Variants in ADAMTSL1 observed in about 807,000 individuals in gnomAD.
ADAMTSL1 encodes ADAMTS like 1.
In ADAMTSL1, 126 loss-of-function variants were observed where a neutral mutation model predicts 201.8. The observed-to-expected ratio is 0.62, with a 90% CI of 0.54 to 0.72. The LOEUF (loss-of-function observed/expected upper bound fraction) is 0.72. Among genes scored for constraint, ADAMTSL1 ranks in the 30% least tolerant of loss-of-function variants. ADAMTSL1 has a pLI of 0.00. For synonymous variants in ADAMTSL1, 1,121 were observed against 903.4 expected (o/e 1.24, Z -4.32); for missense variants, 2,679 against 2,277.8 (o/e 1.18, Z -3.59).
rs73644232 is a variant in ADAMTSL1, at chr9:18,530,384, C to T, written c.192-2863C>T. Among the ~76,000 whole-genome samples the T allele has an allele frequency of 4.8e-3, 736 of 152,078 alleles. 9 individuals carry two copies. The highest frequency in any genetic ancestry group is 0.017 in the African/African-American group (708 of 41,508). On this transcript the variant is annotated intron_variant, in intron 2 of 28. Coordinates refer to ENST00000380548, the MANE Select transcript of ADAMTSL1 (RefSeq NM_001040272.6). ...TGAAAAACATATACTATTAAAGTCC[C>T]AATAGTTAACACCAGGGTTTACCTT...
chr9:18,297,861 T>C (rs1833534413), intron 2 of ADAMTSL1, among the ~76,000 whole-genome samples: 1 of 152,226 alleles, frequency 6.6e-6, no homozygotes, highest in African/African-American at 2.4e-5. Context: ...TGAGAACCCT[T>C]TGAACCGCAG....
chr9:18,648,978 A>G (rs1395140552), intron 7 of ADAMTSL1, among the ~76,000 whole-genome samples: 2 of 152,144 alleles, frequency 1.3e-5, no homozygotes, highest in Non-Finnish European at 2.9e-5. Context: ...TATCCTGCAG[A>G]GTGTTTTCCA....
At chr9:18,522,393 T>G (rs1307190140) in intron 2 of ADAMTSL1, among the ~76,000 whole-genome samples, 1 of 152,182 alleles carries the variant, frequency 6.6e-6, no homozygotes. Flanking sequence ...GTTCTCACAA[T>G]TTATTATTCC....
chr9:18,437,030 T>G (rs1819767038), intron 2 of ADAMTSL1, among the ~76,000 whole-genome samples: 1 of 151,208 alleles, frequency 6.6e-6, no homozygotes, highest in African/African-American at 2.4e-5. Context: ...CCTTGTTATC[T>G]GAGCATCAGC....
rs57749719 is a variant in ADAMTSL1 at position 18,503,980 on chromosome 9, A to ATGTGTGTGTGTGTGTG, written c.64-838_64-823dup. ...ATCTTCCTATATAATATGTGCATGC[A>ATGTGTGTGTGTGTGTG]TGTGTGTGTGTGTGTGTGTGTGTGT... On this transcript the variant is annotated intron_variant, in intron 1 of 28. Transcript: ENST00000380548. 2.3e-3 allele frequency among the ~76,000 whole-genome samples: 347 copies of ATGTGTGTGTGTGTGTG among 148,142 alleles called. 3 individuals are homozygous for ATGTGTGTGTGTGTGTG. Among genetic ancestry groups the ATGTGTGTGTGTGTGTG allele is most frequent in the African/African-American group, 8.1e-3 (326 of 40,344 alleles).
intron 15 of ADAMTSL1, among the ~76,000 whole-genome samples, chr9:18,737,137 G>A (rs1414607928): frequency 6.6e-6 from 1 of 151,976 alleles, no homozygotes; most frequent in Non-Finnish European, 1.5e-5. Flanking sequence ...TGACCAACAT[G>A]GAGAAACCTT....
At chr9:18,881,154 G>C (rs1315811954) in intron 23 of ADAMTSL1, among the ~76,000 whole-genome samples, 1 of 152,182 alleles carries the variant, frequency 6.6e-6, no homozygotes, top group Non-Finnish European at 1.5e-5. Context: ...CTTCGTATCA[G>C]CAATGAGACT....
chr9:18,818,627 A>C (rs1277205122), intron 21 of ADAMTSL1, among the ~76,000 whole-genome samples: 2 of 152,016 alleles, frequency 1.3e-5, no homozygotes, highest in East Asian at 3.9e-4. Context: ...CCTTGTCTCT[A>C]CAAAAAAATA....
intron 1 of ADAMTSL1, among the ~76,000 whole-genome samples, chr9:18,011,391 C>A (rs1586891969): frequency 1.3e-5 from 2 of 151,874 alleles, no homozygotes; most frequent in Admixed American, 6.6e-5. Flanking sequence ...AATCTTACAC[C>A]CAGTGGTCAG....
chr9:18,722,935 G>A (rs750178868), intron 15 of ADAMTSL1: 30 of 731,836 alleles, frequency 4.1e-5, no homozygotes, highest in Non-Finnish European at 7.1e-5. Context: ...TCCTAACTTC[G>A]CAGCTCTCTA....
intron 1 of ADAMTSL1, among the ~76,000 whole-genome samples, chr9:17,980,658 A>C (rs922178971): frequency 2.0e-5 from 3 of 152,072 alleles, no homozygotes; most frequent in African/African-American, 7.2e-5. Flanking sequence ...AGCCTTCAGG[A>C]ATGGTATTAG....
At chr9:17,951,336 G>A (rs919618859) in intron 1 of ADAMTSL1, among the ~76,000 whole-genome samples, 1 of 152,152 alleles carries the variant, frequency 6.6e-6, no homozygotes, top group Non-Finnish European at 1.5e-5. Flanking sequence ...TTTCTCCGGA[G>A]TGTCCATGTA....
intron 9 of ADAMTSL1, among the ~76,000 whole-genome samples, chr9:18,671,550 G>T (rs572815519): frequency 6.6e-6 from 1 of 152,282 alleles, no homozygotes; most frequent in East Asian, 1.9e-4. Context: ...CTGAATGGTG[G>T]TCGTGATAAC....
chr9:18,446,274 T>C (rs1448336560), intron 2 of ADAMTSL1, among the ~76,000 whole-genome samples: 4 of 152,150 alleles, frequency 2.6e-5, no homozygotes, highest in Admixed American at 6.6e-5. Context: ...ACTCCCAAAT[T>C]CTCTGTAGGA....
At chr9:18,688,598 G>T (rs1830989726) in intron 13 of ADAMTSL1, among the ~76,000 whole-genome samples, 1 of 141,828 alleles carries the variant, frequency 7.1e-6, no homozygotes, top group Non-Finnish European at 1.5e-5. Context: ...AGCCTGGGAG[G>T]CGGAGGCTGC....
chr9:18,059,824 C>A (rs1226093341), intron 1 of ADAMTSL1, among the ~76,000 whole-genome samples: 1 of 151,588 alleles, frequency 6.6e-6, no homozygotes, highest in Non-Finnish European at 1.5e-5. Flanking sequence ...ATGAATTTGG[C>A]TTTTTTTTAA....
chr9:18,074,561 C>CTTTTTTTTTTTTTTTT (rs138619215), intron 1 of ADAMTSL1, among the ~76,000 whole-genome samples: 3 of 131,360 alleles, frequency 2.3e-5, no homozygotes, highest in Non-Finnish European at 4.8e-5. Flanking sequence ...CTTCTCTTTT[C>CTTTTTTTTTTTTTTTT]TTTTTTTTTT....
At chr9:18,165,616 A>G (rs563074150) in intron 2 of ADAMTSL1, among the ~76,000 whole-genome samples, 19 of 152,024 alleles carry the variant, frequency 1.2e-4, no homozygotes, top group African/African-American at 4.1e-4. Flanking sequence ...TACCTAAAAG[A>G]GAAATTACCT....
chr9:18,432,234 A>C (rs962219822), intron 2 of ADAMTSL1, among the ~76,000 whole-genome samples: 1 of 152,176 alleles, frequency 6.6e-6, no homozygotes, highest in African/African-American at 2.4e-5. Context: ...TGTTGATCAG[A>C]CCAACCTCGA....
Sources: gnomAD v4.1 joint callset for allele counts (sites outside exome capture counted in the v4.1 genomes callset) on GRCh38, gnomAD v4.1.1 for gene constraint, MANE v1.5 for transcripts, NCBI Gene and HGNC (gene_info 2026-07-23, HGNC 2026-07-21) for gene names.